GPHN: variants seen among roughly 807,000 people sequenced by gnomAD.
GPHN encodes gephyrin.
A neutral mutation model predicts 95.5 loss-of-function variants in GPHN; 17 were observed. The ratio of observed to expected loss-of-function variants is 0.18; its 90% CI spans 0.12 to 0.27. The LOEUF is 0.27. Among genes scored for constraint, GPHN ranks in the 10% least tolerant of loss-of-function variants. GPHN has a pLI of 1.00. For synonymous variants in GPHN, 320 were observed against 322.5 expected, an observed-to-expected ratio of 0.99 and a Z score of 0.08; for missense variants, 660 against 978.1, an observed-to-expected ratio of 0.67 and a Z score of 4.34.
chr14:66,547,526 A>G (rs557699332), intron 1 of GPHN, among the ~76,000 whole-genome samples: 1 of 152,356 alleles, frequency 6.6e-6, no homozygotes, highest in African/African-American at 2.4e-5. Flanking sequence ...GGCAAGGACA[A>G]GGTATTTGAA....
chr14:66,859,801 CAG>C (rs773063682), intron 4 of GPHN, among the ~76,000 whole-genome samples: 22 of 152,024 alleles, frequency 1.4e-4, no homozygotes, highest in Non-Finnish European at 2.8e-4. Context: ...AAGAAACAAA[CAG>C]AAATTCTAGA....
Position 67,122,321 on chromosome 14 carries a change from A to G in GPHN, c.1692A>G (p.Leu564=), listed in dbSNP as rs2079056652. The G allele has an allele frequency of 1.2e-6, 2 of 1,613,074 alleles. No homozygotes were observed. Among genetic ancestry groups the G allele is most frequent in the Non-Finnish European group, 1.7e-6 (2 of 1,179,042 alleles). The change falls in exon 17 of 23, where the codon CTA becomes CTG. Residue 564 remains leucine, a synonymous_variant. Coordinates refer to ENST00000478722, the MANE Select transcript of GPHN (RefSeq NM_020806.5). ...GAGACAGCAATCGTTCAACTCTTCT[A>G]GCAACAATTCAGGAACATGGTTACC... The part of the protein sequence containing the change: ...KIRDSNRSTL[L]ATIQEHGYPT...
the GPHN span, chr14:67,447,508 TTAGA>T: frequency 6.6e-6 from 1 of 152,210 alleles, no homozygotes; most frequent in Non-Finnish European, 1.5e-5. Flanking sequence ...AAAGACTGTG[TTAGA>T]TAGGTAGGTC....
chr14:67,426,454 ACAGT>A, the GPHN span, among the ~76,000 whole-genome samples: 1 of 152,210 alleles, frequency 6.6e-6, no homozygotes, highest in Non-Finnish European at 1.5e-5. Flanking sequence ...CGCTGTTGGC[ACAGT>A]CAGTGTGTGC....
intron 1 of GPHN, among the ~76,000 whole-genome samples, chr14:66,629,112 C>CAGACTGAAG (rs2063641433): frequency 7.7e-6 from 1 of 129,662 alleles, no homozygotes; most frequent in Middle Eastern, 3.6e-3. Flanking sequence ...TATTTATATA[C>CAGACTGAAG]ATATATAAAT....
At chr14:67,582,212 T>A in the GPHN span, 1 of 1,613,266 alleles carries the variant, frequency 6.2e-7, no homozygotes, top group Non-Finnish European at 8.5e-7. This position sits in a 1 kb window ranked among gnomAD's most constrained non-coding sequence, Gnocchi z 5.0. Context: ...ATGGCCCAGG[T>A]AAGGTTCTGT....
intron 1 of GPHN, among the ~76,000 whole-genome samples, chr14:66,560,090 T>C (rs866979412): frequency 1.3e-5 from 2 of 152,128 alleles, no homozygotes; most frequent in Admixed American, 6.5e-5. Flanking sequence ...TTCTGTTCCA[T>C]TGGTCTATAT....
chr14:67,059,899 G>A (rs914371694), intron 11 of GPHN, among the ~76,000 whole-genome samples: 3 of 152,100 alleles, frequency 2.0e-5, no homozygotes, highest in Non-Finnish European at 4.4e-5. Flanking sequence ...ACTCACTAGA[G>A]TAGGGGATTA....
At chr14:66,716,984 A>G (rs1417894755) in intron 2 of GPHN, among the ~76,000 whole-genome samples, 2 of 152,172 alleles carry the variant, frequency 1.3e-5, no homozygotes, top group Non-Finnish European at 2.9e-5. Context: ...TGGTGACAAT[A>G]TGCCTAGGCG....
chr14:67,230,739 C>A, the GPHN span, among the ~76,000 whole-genome samples: 1 of 152,102 alleles, frequency 6.6e-6, no homozygotes, highest in Non-Finnish European at 1.5e-5. Context: ...AACAAATTGT[C>A]GTATGGTCAT....
chr14:66,691,927 A>T (rs1266169436), intron 2 of GPHN, among the ~76,000 whole-genome samples: 2 of 152,226 alleles, frequency 1.3e-5, no homozygotes, highest in Non-Finnish European at 2.9e-5. Context: ...CTCTAATCCA[A>T]AAAAGATAAT....
the GPHN span, chr14:67,572,289 A>T: frequency 3.2e-6 from 5 of 1,581,534 alleles, no homozygotes; most frequent in Non-Finnish European, 4.3e-6. Flanking sequence ...TGAGCCGGGA[A>T]ACGGGCGGGG....
At chr14:67,527,654 G>A in the GPHN span, among the ~76,000 whole-genome samples, 2 of 152,192 alleles carry the variant, frequency 1.3e-5, no homozygotes, top group Non-Finnish European at 2.9e-5. Context: ...AACCAACAAT[G>A]TGTTTTGTAC....
At chr14:67,199,981 C>A in the GPHN span, 1 of 1,127,140 alleles carries the variant, frequency 8.9e-7, no homozygotes, top group Non-Finnish European at 1.3e-6. Flanking sequence ...AGGGATGTCT[C>A]AGATGCAGCT....
the GPHN span, among the ~76,000 whole-genome samples, chr14:67,567,472 C>T: frequency 6.6e-6 from 1 of 152,168 alleles, no homozygotes; most frequent in Non-Finnish European, 1.5e-5. Flanking sequence ...TGGTTAAATT[C>T]CATGACCACT....
At chr14:67,100,383 T>C (rs1259326326) in intron 12 of GPHN, among the ~76,000 whole-genome samples, 1 of 152,212 alleles carries the variant, frequency 6.6e-6, no homozygotes, top group East Asian at 1.9e-4. Flanking sequence ...GAAAACAGTA[T>C]GAAGTTGTTA....
intron 1 of GPHN, among the ~76,000 whole-genome samples, chr14:66,596,705 AGCTTGTGGG>A: frequency 6.6e-6 from 1 of 152,180 alleles, no homozygotes; most frequent in African/African-American, 2.4e-5. Flanking sequence ...GTCACTTACA[AGCTTGTGGG>A]TCAGCAGGGC....
At chr14:67,585,611 C>T in the GPHN span, 2 of 1,584,834 alleles carry the variant, frequency 1.3e-6, no homozygotes, top group Non-Finnish European at 1.7e-6. Context: ...GTGTGGATTG[C>T]TGTGAATGAG....
At chr14:66,848,678 T>G (rs1040612995) in intron 4 of GPHN, among the ~76,000 whole-genome samples, 2 of 151,990 alleles carry the variant, frequency 1.3e-5, no homozygotes, top group African/African-American at 4.8e-5. Flanking sequence ...AAATATATGG[T>G]CATTTAGGAG....
Sources: gnomAD v4.1 joint callset for allele counts (sites outside exome capture counted in the v4.1 genomes callset) on GRCh38, gnomAD v4.1.1 for gene constraint, Gnocchi (gnomAD v3.1) non-coding constraint, MANE v1.5 for transcripts, NCBI Gene and HGNC (gene_info 2026-07-23, HGNC 2026-07-21) for gene names.